The following PDS5A variants were observed in gnomAD, a reference collection of about 807,000 sequenced individuals.
PDS5A encodes the protein PDS5 cohesin associated factor A.
A neutral mutation model predicts 167.1 loss-of-function variants in PDS5A; 42 were observed. That is an observed-to-expected ratio of 0.25 (90% CI 0.20 to 0.33). The LOEUF is 0.33. Ranked by LOEUF, PDS5A falls within the 10% of genes least tolerant of loss-of-function variation. The pLI is 1.00. For synonymous variants in PDS5A, 553 were observed against 554.6 expected (o/e 1.00, Z 0.04); for missense variants, 1,033 against 1,605.9 (o/e 0.64, Z 6.10).
intron 23 of PDS5A, among the ~76,000 whole-genome samples, chr4:39,865,996 T>G (rs1310613439): frequency 6.6e-6 from 1 of 152,224 alleles, no homozygotes; most frequent in Non-Finnish European, 1.5e-5. Context: ...AGATTAAAAG[T>G]GAAAATGTGT....
chr4:39,848,819 T>C (rs372326431), intron 28 of PDS5A, 32 bp downstream of exon 28: 2 of 1,536,468 alleles, frequency 1.3e-6, no homozygotes, highest in South Asian at 2.4e-5. Flanking sequence ...ATCAGTTTAG[T>C]GTGGTAGGAA....
intron 2 of PDS5A, among the ~76,000 whole-genome samples, chr4:39,943,123 TACACACACACACACACACACACACAC>T (rs35361618): frequency 2.8e-5 from 4 of 144,834 alleles, no homozygotes; most frequent in Admixed American, 7.0e-5. Context: ...ACTATGCAAA[TACACACACACACACACACACACACAC>T]ACACACACAC....
intron 2 of PDS5A, among the ~76,000 whole-genome samples, chr4:39,951,116 T>C (rs538423724): frequency 3.9e-5 from 6 of 152,184 alleles, no homozygotes; most frequent in Non-Finnish European, 8.8e-5. Flanking sequence ...TGGTCTCAAA[T>C]TCCTGGGATC....
chr4:39,895,376 G>C (rs976559335), intron 16 of PDS5A, among the ~76,000 whole-genome samples: 1 of 152,048 alleles, frequency 6.6e-6, no homozygotes, highest in African/African-American at 2.4e-5. Context: ...TGGTATTTGT[G>C]TATTTGAACA....
chr4:39,867,415 G>A (rs545572532), intron 22 of PDS5A, among the ~76,000 whole-genome samples: 4 of 151,910 alleles, frequency 2.6e-5, no homozygotes, highest in East Asian at 3.9e-4. Context: ...TATACAGGCC[G>A]GGGGTGGTGA....
chr4:39,837,391 T>C (rs1460595704), intron 32 of PDS5A: 1 of 154,670 alleles, frequency 6.5e-6, no homozygotes, highest in African/African-American at 2.4e-5. Flanking sequence ...GTAAGTTGTT[T>C]TTCTGGGCAG....
chr4:39,963,637 G>C (rs565655691), intron 2 of PDS5A, among the ~76,000 whole-genome samples: 1 of 152,214 alleles, frequency 6.6e-6, no homozygotes, highest in East Asian at 1.9e-4. Context: ...CTTGAGCCCA[G>C]ACTGGGAAAC....
chr4:39,921,986 A>G (rs1448651088), intron 6 of PDS5A, among the ~76,000 whole-genome samples: 2 of 152,230 alleles, frequency 1.3e-5, no homozygotes, highest in East Asian at 1.9e-4. Context: ...CTAATGTCTG[A>G]TAACAGGATA....
At chr4:39,970,298 A>G (rs1288977943) in intron 2 of PDS5A, among the ~76,000 whole-genome samples, 4 of 152,022 alleles carry the variant, frequency 2.6e-5, no homozygotes, top group Non-Finnish European at 5.9e-5. Context: ...GGCCTGACAT[A>G]ACAAAAATAG....
intron 2 of PDS5A, among the ~76,000 whole-genome samples, chr4:39,930,246 A>AAAAAAAAAAAAAAAAAAT: frequency 4.3e-5 from 4 of 93,090 alleles, no homozygotes; most frequent in Admixed American, 2.2e-4. Flanking sequence ...AAAAAAAAAA[A>AAAAAAAAAAAAAAAAAAT]GTTTTTTTGT....
At chr4:39,869,714 C>T (rs1719856405) in intron 21 of PDS5A, among the ~76,000 whole-genome samples, 1 of 152,100 alleles carries the variant, frequency 6.6e-6, no homozygotes, top group East Asian at 1.9e-4. Flanking sequence ...GAATAGAGAA[C>T]TCAGAAAACC....
intron 2 of PDS5A, among the ~76,000 whole-genome samples, chr4:39,953,421 A>C (rs528106325): frequency 1.5e-5 from 2 of 136,102 alleles, no homozygotes; most frequent in East Asian, 4.6e-4. Flanking sequence ...GTGAAGAATC[A>C]GTTTTTTTTT....
At chr4:39,886,105 C>G (rs1209147690) in intron 17 of PDS5A, among the ~76,000 whole-genome samples, 1 of 152,202 alleles carries the variant, frequency 6.6e-6, no homozygotes, top group East Asian at 1.9e-4. Context: ...GTTCTTGACA[C>G]CTCTGTCAGA....
At chr4:39,954,591 G>A (rs781511439) in intron 2 of PDS5A, among the ~76,000 whole-genome samples, 1 of 148,854 alleles carries the variant, frequency 6.7e-6, no homozygotes, top group African/African-American at 2.5e-5. Flanking sequence ...AAAGTGCTGG[G>A]ATTACAGGTG....
At chr4:39,909,883 T>C (rs1216215959) in intron 10 of PDS5A, among the ~76,000 whole-genome samples, 1 of 152,170 alleles carries the variant, frequency 6.6e-6, no homozygotes. Context: ...AAATCCAATG[T>C]CTTAAGAAAT....
intron 16 of PDS5A, among the ~76,000 whole-genome samples, chr4:39,895,041 C>T (rs1233228919): frequency 1.3e-5 from 2 of 151,892 alleles, no homozygotes; most frequent in Non-Finnish European, 2.9e-5. Context: ...TCCTGGCTAA[C>T]ATGGTGAAAC....
At chr4:39,938,202 G>A (rs1436869549) in intron 2 of PDS5A, among the ~76,000 whole-genome samples, 1 of 152,180 alleles carries the variant, frequency 6.6e-6, no homozygotes, top group Admixed American at 6.5e-5. Flanking sequence ...ACCTACTCAA[G>A]TTTGGAGGGG....
intron 8 of PDS5A, 91 bp downstream of exon 8, chr4:39,916,957 T>G: frequency 1.6e-6 from 1 of 639,730 alleles, no homozygotes; most frequent in Non-Finnish European, 2.5e-6. Context: ...CCTGGAAAGT[T>G]TAAAGGGCAT....
chr4:39,853,302 C>T (rs1428001532), intron 26 of PDS5A, among the ~76,000 whole-genome samples: 1 of 152,192 alleles, frequency 6.6e-6, no homozygotes, highest in Non-Finnish European at 1.5e-5. Context: ...TCTTTGGCTT[C>T]TTGACAGCTA....
Sources: gnomAD v4.1 joint callset for allele counts (sites outside exome capture counted in the v4.1 genomes callset) on GRCh38, gnomAD v4.1.1 for gene constraint, MANE v1.5 for transcripts, NCBI Gene and HGNC (gene_info 2026-07-23, HGNC 2026-07-21) for gene names.